MYO10: variants seen among roughly 807,000 people sequenced by gnomAD.
The protein encoded by MYO10 is unconventional myosin-X.
A neutral mutation model predicts 257.3 loss-of-function variants in MYO10; 133 were observed. The ratio of observed to expected loss-of-function variants is 0.52; its 90% CI spans 0.45 to 0.60. The LOEUF is 0.60. Ranked by LOEUF, MYO10 falls within the 20% of genes least tolerant of loss-of-function variation. The pLI is 0.00. For synonymous variants in MYO10, 1,104 were observed against 1,028.6 expected, an observed-to-expected ratio of 1.07 and a Z score of -1.40; for missense variants, 2,399 against 2,635.7, an observed-to-expected ratio of 0.91 and a Z score of 1.97.
chr5:16,683,328 TA>T (rs1334151106), intron 30 of MYO10, among the ~76,000 whole-genome samples: 3 of 151,916 alleles, frequency 2.0e-5, no homozygotes, highest in African/African-American at 7.3e-5. Flanking sequence ...ACAGAGACAA[TA>T]AAGATGAAGT....
At chr5:16,686,341 T>C (rs1737251659) in intron 28 of MYO10, among the ~76,000 whole-genome samples, 2 of 152,134 alleles carry the variant, frequency 1.3e-5, no homozygotes, top group Non-Finnish European at 2.9e-5. Context: ...TTCAAAACTT[T>C]TTGAGCACCG....
intron 1 of MYO10, among the ~76,000 whole-genome samples, chr5:16,912,022 C>T (rs771538430): frequency 1.3e-5 from 2 of 151,674 alleles, no homozygotes; most frequent in Non-Finnish European, 2.9e-5. Context: ...GCAACAAGAA[C>T]GAAATTCCGT....
chr5:16,714,129 C>T (rs1738744771), intron 19 of MYO10, among the ~76,000 whole-genome samples: 2 of 152,036 alleles, frequency 1.3e-5, no homozygotes, highest in Non-Finnish European at 2.9e-5. Context: ...GGAGGGTGGA[C>T]AGGTACATCA....
At chr5:16,851,754 T>C (rs1306180752) in intron 2 of MYO10, among the ~76,000 whole-genome samples, 1 of 152,132 alleles carries the variant, frequency 6.6e-6, no homozygotes, top group African/African-American at 2.4e-5. Context: ...GTTAATTTAA[T>C]TGAAGAAAGA....
At chr5:16,818,409 T>TATATATATATATATATATAC (rs1561000900) in intron 2 of MYO10, among the ~76,000 whole-genome samples, 38 of 86,284 alleles carry the variant, frequency 4.4e-4, no homozygotes, top group African/African-American at 1.6e-3. Context: ...TGTGTGTGTG[T>TATATATATATATATATATAC]GTATATATAT....
intron 3 of MYO10, among the ~76,000 whole-genome samples, chr5:16,796,442 C>CGAA (rs1553997256): frequency 0.38 from 45,877 of 120,324 alleles, 9,029 homozygotes; most frequent in Non-Finnish European, 0.45. Flanking sequence ...AAAAGAAAGA[C>CGAA]AGAAAGAAAG....
Position 16,679,902 on chromosome 5 carries a change from C to T in MYO10, c.4542+45G>A. ...GGTCTTGGTGCTCTAAGGGTAGAAT[C>T]TCTGAGCTGTAATCACCCACCTTGA... On this transcript the variant is annotated intron_variant, in intron 33 of 40. Coordinates refer to ENST00000513610, the MANE Select transcript of MYO10 (RefSeq NM_012334.3). The T allele has an allele frequency of 1.9e-6, 3 of 1,594,322 alleles. No individual in the cohort carries two copies. In the South Asian group the frequency reaches 3.4e-5, roughly 18 times the overall value.
chr5:16,856,412 T>C (rs1475761624), intron 2 of MYO10, among the ~76,000 whole-genome samples: 1 of 151,970 alleles, frequency 6.6e-6, no homozygotes, highest in Non-Finnish European at 1.5e-5. Context: ...TAGCTGGGCG[T>C]GGTGGTGTAC....
chr5:16,887,543 T>C (rs1162379873), intron 1 of MYO10, among the ~76,000 whole-genome samples: 1 of 152,248 alleles, frequency 6.6e-6, no homozygotes, highest in Non-Finnish European at 1.5e-5. Flanking sequence ...CAGGCTGGAA[T>C]GCAGTGGCAT....
intron 23 of MYO10, 128 bp from the exon 24 acceptor site, chr5:16,702,716 G>T: frequency 1.0e-6 from 1 of 987,862 alleles, no homozygotes; most frequent in Non-Finnish European, 1.5e-6. Flanking sequence ...CCTTCCTCTG[G>T]CCATGGATTT....
intron 31 of MYO10, 123 bp from the exon 32 acceptor site, chr5:16,681,626 G>A (rs1737005979): frequency 3.5e-6 from 4 of 1,133,944 alleles, no homozygotes; most frequent in Non-Finnish European, 5.0e-6. Flanking sequence ...AAAAGACCAC[G>A]AACACCCCAA....
chr5:16,865,300 G>T (rs1221175514), intron 2 of MYO10, among the ~76,000 whole-genome samples: 3 of 152,196 alleles, frequency 2.0e-5, no homozygotes, highest in African/African-American at 7.2e-5. Flanking sequence ...CCGCATGCAG[G>T]GATAGCCCAC....
At position 16,696,290 on chromosome 5, in the gene MYO10, T is replaced by A. The variant is rs1323904386; in HGVS notation, c.3557-1676A>T. The stretch of plus-strand genomic sequence containing the variant: ...TGCTATAATTTCCTAATTGCAAACA[T>A]CTTTAGTAGGTTATTTGGTTGTAAA... On this transcript the variant is annotated intron_variant, in intron 26 of 40. Coordinates refer to ENST00000513610, the MANE Select transcript of MYO10 (RefSeq NM_012334.3). Among the ~76,000 whole-genome samples, 3 of 152,354 alleles carry A rather than the reference T, an allele frequency of 2.0e-5. No homozygotes were observed. The East Asian group carries it at 5.8e-4, about 29-fold the overall frequency.
chr5:16,690,410 T>C (rs1287107382), intron 27 of MYO10, among the ~76,000 whole-genome samples: 1 of 152,146 alleles, frequency 6.6e-6, no homozygotes, highest in Admixed American at 6.5e-5. Context: ...TTAGCAATGA[T>C]GAAGACACCC....
chr5:16,908,744 A>G (rs774692632), intron 1 of MYO10, among the ~76,000 whole-genome samples: 5 of 152,244 alleles, frequency 3.3e-5, no homozygotes, highest in Admixed American at 2.0e-4. Context: ...ATTTGTTACA[A>G]TGCATTTTAC....
At chr5:16,821,054 T>C (rs1742785707) in intron 2 of MYO10, among the ~76,000 whole-genome samples, 1 of 147,376 alleles carries the variant, frequency 6.8e-6, no homozygotes, top group Non-Finnish European at 1.5e-5. Flanking sequence ...TACATATATG[T>C]ATAATATATA....
intron 19 of MYO10, among the ~76,000 whole-genome samples, chr5:16,744,430 A>G (rs1427693772): frequency 1.3e-5 from 2 of 152,092 alleles, no homozygotes; most frequent in African/African-American, 4.8e-5. Context: ...CCTTTGATCT[A>G]TTGTATCGGT....
chr5:16,676,387 T>C (rs1206403995), intron 33 of MYO10, among the ~76,000 whole-genome samples: 1 of 152,178 alleles, frequency 6.6e-6, no homozygotes, highest in East Asian at 1.9e-4. Context: ...CCATGTGATT[T>C]TAAATTTTCT....
At chr5:16,696,239 A>C (rs1737741551) in intron 26 of MYO10, among the ~76,000 whole-genome samples, 1 of 152,172 alleles carries the variant, frequency 6.6e-6, no homozygotes, top group African/African-American at 2.4e-5. Context: ...CTCTCTTGAT[A>C]ATTCATCATT....
Sources: gnomAD v4.1 joint callset for allele counts (sites outside exome capture counted in the v4.1 genomes callset) on GRCh38, gnomAD v4.1.1 for gene constraint, MANE v1.5 for transcripts, NCBI Gene and HGNC (gene_info 2026-07-23, HGNC 2026-07-21) for gene names.